The following DOC2B variants were observed in gnomAD, a reference collection of about 807,000 sequenced individuals.
The protein encoded by DOC2B is double C2 domain beta.
In DOC2B, 21 loss-of-function variants were observed where a neutral mutation model predicts 28.9. That is an observed-to-expected ratio of 0.73 (90% CI 0.52 to 1.05). The LOEUF (loss-of-function observed/expected upper bound fraction) is 1.05. Ranked by LOEUF, DOC2B falls within the 50% of genes least tolerant of loss-of-function variation. The probability of loss-of-function intolerance (pLI) is 0.00; values close to 1 mark genes in which losing one functional copy is unlikely to be tolerated. For synonymous variants in DOC2B, 194 were observed against 178.1 expected, an observed-to-expected ratio of 1.09 and a Z score of -0.71; for missense variants, 384 against 421.1, an observed-to-expected ratio of 0.91 and a Z score of 0.77.
At chr17:169,109 C>T (rs1240894226) in intron 2 of DOC2B, among the ~76,000 whole-genome samples, 2 of 152,034 alleles carry the variant, frequency 1.3e-5, no homozygotes, top group African/African-American at 4.8e-5. Context: ...GTGAAGTGTT[C>T]GGAAGAGGAG....
Position 145,161 on chromosome 17 carries a change from C to A in DOC2B, c.*2280G>T. The A allele has an allele frequency of 6.6e-6, 1 of 152,284 alleles. No individual in the cohort carries two copies. Among genetic ancestry groups the A allele is most frequent in the Non-Finnish European group, 1.5e-5 (1 of 68,080 alleles). The allele number at this position is 152,284 out of a possible 1,614,324, so 9.4% of individuals were successfully genotyped here. A position where few individuals can be genotyped will look rare whatever the true frequency, so the allele number is the denominator to read the frequency against. ...ACACCTCTGGGGAAGCCTGAAGTAG[C>A]ACGGATGGTTTCAAAGCCAGCGGAT... On this transcript the variant is annotated 3_prime_UTR_variant, in exon 9 of 9. Coordinates refer to ENST00000613549, the MANE Select transcript of DOC2B (RefSeq NM_003585.5).
Position 181,153 on chromosome 17 carries a change from C to A in DOC2B, c.327G>T (p.Pro109=), listed in dbSNP as rs2040437552. The A allele has an allele frequency of 4.0e-6, 5 of 1,253,166 alleles. No individual in the cohort carries two copies. The highest frequency in any genetic ancestry group is 3.0e-5 in the South Asian group (1 of 33,122). The allele number at this position is 1,253,166 out of a possible 1,614,324, so 77.6% of individuals were successfully genotyped here. ...CGTCGGCGTCCGGCTCGTCCTCCGG[C>A]GGCTTGGCTGGCGGCCGCGCGGGGC... ...GPSPARPPAK[P]PEDEPDADGY... Residue 109 remains proline (P), a synonymous_variant, in exon 1 of 9, where the codon CCG becomes CCT. Coordinates refer to ENST00000613549, the MANE Select transcript of DOC2B (RefSeq NM_003585.5). This position sits in a 1 kb window ranked among gnomAD's most constrained non-coding sequence, Gnocchi z 7.0.
chr17:179,868 C>A (rs1349398335), intron 1 of DOC2B, among the ~76,000 whole-genome samples: 1 of 152,290 alleles, frequency 6.6e-6, no homozygotes, highest in Non-Finnish European at 1.5e-5. Flanking sequence ...GTTTCCCCTA[C>A]AGGGGCCCTG....
In DOC2B at chr17:143,934, G is replaced by A. The variant is rs1208752968; in HGVS notation, c.*3507C>T. On this transcript the variant is annotated 3_prime_UTR_variant, in exon 9 of 9. Transcript: ENST00000613549. ...TCGGGAGGTTCACTCGGTTTGCGAA[G>A]GAACAACGGGCTCGGCATGCACGGC... is the stretch of plus-strand genomic sequence containing the variant. 1 of 151,512 alleles carries A rather than the reference G, an allele frequency of 6.6e-6. No individual in the cohort carries two copies. Among genetic ancestry groups the A allele is most frequent in the Non-Finnish European group, 1.5e-5 (1 of 68,034 alleles). The allele number at this position is 151,512 out of a possible 1,614,324, so 9.4% of individuals were successfully genotyped here.
At chr17:166,416 A>G (rs948016183) in intron 2 of DOC2B, among the ~76,000 whole-genome samples, 5 of 152,226 alleles carry the variant, frequency 3.3e-5, no homozygotes, top group Non-Finnish European at 7.4e-5. Context: ...CATGCTCCCC[A>G]GCTTGGGAGT....
In DOC2B at chr17:161,479, G is replaced by T. The variant is rs1555523227; in HGVS notation, c.701C>A (p.Pro234His). ...GTGGTTGGGTTTCAGCTTCTTCAGG[G>T]GCACACGTGTCTCCCCGATGAACTC... is the stretch of plus-strand genomic sequence containing the variant. ...HNEFIGETRV[P>H]LKKLKPNHTK... The change falls in exon 5 of 9, where the codon CCC (proline) becomes CAC (histidine). Residue 234 changes from proline (P) to histidine (H), a missense_variant. By Grantham distance (77) the Pro-to-His change is moderately conservative (BLOSUM62 -2). Coordinates refer to ENST00000613549, the MANE Select transcript of DOC2B (RefSeq NM_003585.5). 6.4e-6 allele frequency: 10 copies of T among 1,551,720 alleles called. No individual in the cohort carries two copies. The highest frequency in any genetic ancestry group is 8.7e-6 in the Non-Finnish European group (10 of 1,146,998).
chr17:180,777 C>A (rs1393072425), intron 1 of DOC2B, among the ~76,000 whole-genome samples: 1 of 151,664 alleles, frequency 6.6e-6, no homozygotes, highest in Non-Finnish European at 1.5e-5. Flanking sequence ...CAAAAGCAGC[C>A]GCCCGCGCCG....
At position 160,491 on chromosome 17, in the gene DOC2B, G is replaced by A. The variant is rs537530453; in HGVS notation, c.765+924C>T. ...AAGCTCGAGGTGAGTCCACGTCCCC[G>A]GGCCCCACTGGGGCTGGGTACACTG... On this transcript the variant is annotated intron_variant, in intron 5 of 8. Transcript: ENST00000613549. Among the ~76,000 whole-genome samples, 18 of 152,296 alleles carry A rather than the reference G, an allele frequency of 1.2e-4. No homozygotes were observed. In the South Asian group the frequency reaches 1.2e-3, roughly 11 times the overall value.
chr17:181,432 C>T lies in DOC2B; in HGVS notation c.48G>A (p.Glu16=). 1 of 1,171,994 alleles carries T rather than the reference C, an allele frequency of 8.5e-7. No individual in the cohort carries two copies. Among genetic ancestry groups the T allele is most frequent in the Non-Finnish European group, 1.1e-6 (1 of 935,514 alleles). 72.6% of individuals were successfully genotyped at this position (1,171,994 alleles called of 1,614,324 possible). Reference sequence around the variant, plus strand: ...CGGGGCACACGTCGATGGCCATATGCTCCTGGATGCTGATGGTCGCCTTCT... The same window carrying T: ...CGGGGCACACGTCGATGGCCATATGTTCCTGGATGCTGATGGTCGCCTTCT... ...RGEKATISIQ[E]HMAIDVCPGP... is the part of the protein sequence containing the mutation. The change falls in exon 1 of 9, where the codon GAG becomes GAA. Residue 16 remains glutamate, a synonymous_variant. Transcript: ENST00000613549. The surrounding 1 kb of genome is among the most constrained non-coding windows in gnomAD (Gnocchi z 7.0).
intron 5 of DOC2B, among the ~76,000 whole-genome samples, chr17:159,620 T>G (rs554238170): frequency 8.5e-5 from 13 of 152,114 alleles, no homozygotes; most frequent in African/African-American, 3.1e-4. Flanking sequence ...CAAGACTCAG[T>G]CTCAAAAAAT....
chr17:170,025 G>T (rs1263563416), intron 2 of DOC2B, among the ~76,000 whole-genome samples: 1 of 152,216 alleles, frequency 6.6e-6, no homozygotes, highest in East Asian at 1.9e-4. Context: ...GCTGGGAAGG[G>T]AAGGCCCTGG....
intron 3 of DOC2B, among the ~76,000 whole-genome samples, chr17:162,908 G>A (rs1207794137): frequency 6.6e-6 from 1 of 152,140 alleles, no homozygotes; most frequent in Non-Finnish European, 1.5e-5. Context: ...CTGGAATATT[G>A]CTGCCACTCC....
At chr17:169,780 C>T (rs570172154) in intron 2 of DOC2B, among the ~76,000 whole-genome samples, 1 of 152,130 alleles carries the variant, frequency 6.6e-6, no homozygotes, top group East Asian at 1.9e-4. Flanking sequence ...CCACCCTGGG[C>T]CCCTCCCCAC....
intron 7 of DOC2B, among the ~76,000 whole-genome samples, chr17:148,788 T>C (rs2040042199): frequency 6.6e-6 from 1 of 152,166 alleles, no homozygotes; most frequent in East Asian, 1.9e-4. Context: ...GAAGACTTCC[T>C]GGGGCCCCAG....
chr17:174,731 G>A (rs1567538960), intron 1 of DOC2B, among the ~76,000 whole-genome samples: 1 of 152,176 alleles, frequency 6.6e-6, no homozygotes. Flanking sequence ...TTACTTGTCT[G>A]TGTTGGCGCA....
chr17:161,605 T>G, intron 4 of DOC2B, 64 bp from the exon 5 acceptor site: 2 of 1,544,076 alleles, frequency 1.3e-6, no homozygotes, highest in Non-Finnish European at 1.8e-6. Flanking sequence ...GGTGGAGGTG[T>G]GCGCAGGTAG....
chr17:153,513 G>A (rs1039737820), intron 6 of DOC2B, among the ~76,000 whole-genome samples: 9 of 152,172 alleles, frequency 5.9e-5, no homozygotes, highest in African/African-American at 1.9e-4. Flanking sequence ...GACCAGCCTG[G>A]CCAACATGGT....
At chr17:172,650 G>A (rs1336451895) in intron 1 of DOC2B, 34 bp from the exon 2 acceptor site, 4 of 1,521,830 alleles carry the variant, frequency 2.6e-6, no homozygotes, top group Non-Finnish European at 3.6e-6. Context: ...TCCCACCCTG[G>A]CCGCATCTTG....
At chr17:148,123 G>C in intron 8 of DOC2B, 50 bp downstream of exon 8, 1 of 398,518 alleles carries the variant, frequency 2.5e-6, no homozygotes, top group East Asian at 3.6e-5. Flanking sequence ...GCTGTGGCCT[G>C]ATCCAGGACA....
Sources: gnomAD v4.1 joint callset for allele counts (sites outside exome capture counted in the v4.1 genomes callset) on GRCh38, gnomAD v4.1.1 for gene constraint, Gnocchi (gnomAD v3.1) non-coding constraint, MANE v1.5 for transcripts, NCBI Gene and HGNC (gene_info 2026-07-23, HGNC 2026-07-21) for gene names.